MYCBP2: variants seen among roughly 807,000 people sequenced by gnomAD.
MYCBP2 encodes the protein E3 ubiquitin-protein ligase MYCBP2.
MYCBP2 carries 120 observed loss-of-function variants against 525.3 expected under a neutral mutation model. The observed-to-expected ratio is 0.23, with a 90% CI of 0.20 to 0.27. The LOEUF (loss-of-function observed/expected upper bound fraction) is 0.27, where lower values mean the gene tolerates loss of function less well. Ranked by LOEUF, MYCBP2 falls within the 10% of genes least tolerant of loss-of-function variation. The pLI, the probability that MYCBP2 is intolerant of heterozygous loss-of-function variation, is 1.00. For missense variants in MYCBP2, 4,149 were observed against 5,657.1 expected, an observed-to-expected ratio of 0.73 and a Z score of 8.55; for synonymous variants, 1,894 against 1,955.8, an observed-to-expected ratio of 0.97 and a Z score of 0.83.
chr13:77,204,933 G>A (rs1216892327), intron 26 of MYCBP2, among the ~76,000 whole-genome samples: 2 of 149,256 alleles, frequency 1.3e-5, no homozygotes, highest in African/African-American at 4.9e-5. Flanking sequence ...AGCATTGGGA[G>A]ATATACCTAA....
intron 18 of MYCBP2, among the ~76,000 whole-genome samples, chr13:77,227,353 A>C (rs2066419260): frequency 6.6e-6 from 1 of 151,734 alleles, no homozygotes; most frequent in Non-Finnish European, 1.5e-5. Flanking sequence ...TAAAAAAAAA[A>C]AAAAAAAACC....
rs370474590 is a variant in MYCBP2, at chr13:77,093,206, T to C, written c.10326A>G (p.Val3442=). ...TCATATTGCTCTCTGGCTCTTCAAA[T>C]ACATTAGGACTTGCATCAGGAGTTA... ...ISVTPDASPN[V]FEEPESNMKS... The change falls in exon 59 of 83, where the codon GTA becomes GTG. Residue 3442 remains valine (V), a synonymous_variant. Coordinates refer to ENST00000544440, the MANE Select transcript of MYCBP2 (RefSeq NM_015057.5). The C allele has an allele frequency of 2.2e-5, 35 of 1,612,740 alleles. No homozygotes were observed. Among genetic ancestry groups the C allele is most frequent in the Non-Finnish European group, 2.8e-5 (33 of 1,179,352 alleles).
chr13:77,267,461 C>T (rs779096592), intron 8 of MYCBP2, among the ~76,000 whole-genome samples: 1 of 150,252 alleles, frequency 6.7e-6, no homozygotes, highest in Non-Finnish European at 1.5e-5. Context: ...GGAGGAAAAC[C>T]CAACTGCACT....
intron 14 of MYCBP2, among the ~76,000 whole-genome samples, chr13:77,256,286 C>A (rs555999021): frequency 4.6e-5 from 7 of 151,900 alleles, no homozygotes; most frequent in African/African-American, 1.7e-4. Context: ...TAAAACATGT[C>A]GTGTAACAGC....
In MYCBP2 at chr13:77,144,391, T is replaced by A; in HGVS notation, c.7303+54A>T. The A allele has an allele frequency of 2.4e-6, 3 of 1,252,144 alleles. No homozygotes were observed. The South Asian group carries it at 3.7e-5, about 15-fold the overall frequency. 77.6% of individuals were successfully genotyped at this position (1,252,144 alleles called of 1,614,324 possible). A position where few individuals can be genotyped will look rare whatever the true frequency, so the allele number is the denominator to read the frequency against. On this transcript the variant is annotated intron_variant, in intron 49 of 82. Coordinates refer to ENST00000544440, the MANE Select transcript of MYCBP2 (RefSeq NM_015057.5). Reference sequence around the variant, plus strand: ...GGGCAAAACTAGAAGATAAAAATAATTTTGACTCTAGTTATTTGAAGTAAG... The same window carrying A: ...GGGCAAAACTAGAAGATAAAAATAAATTTGACTCTAGTTATTTGAAGTAAG...
chr13:77,317,902 A>C (rs1056535537), intron 1 of MYCBP2, among the ~76,000 whole-genome samples: 1 of 152,126 alleles, frequency 6.6e-6, no homozygotes, highest in African/African-American at 2.4e-5. Flanking sequence ...ACGCCATTGC[A>C]CTCCAGCTTG....
In MYCBP2 at chr13:77,241,964, A is replaced by G. The variant is rs190590535; in HGVS notation, c.2629+1095T>C. 3.6e-3 allele frequency among the ~76,000 whole-genome samples: 549 copies of G among 152,280 alleles called. 2 individuals carry two copies. The highest frequency in any genetic ancestry group is 5.3e-3 in the Non-Finnish European group (360 of 68,014). ...ATATCAGTAAACATTTCTAATCAAA[A>G]TTTTGCCTATTGGAGGAATAAAATC... On this transcript the variant is annotated intron_variant, in intron 17 of 82. Coordinates refer to ENST00000544440, the MANE Select transcript of MYCBP2 (RefSeq NM_015057.5).
intron 3 of MYCBP2, among the ~76,000 whole-genome samples, chr13:77,287,431 C>T (rs1445629460): frequency 6.6e-6 from 1 of 152,084 alleles, no homozygotes; most frequent in Non-Finnish European, 1.5e-5. Context: ...GTGATCCACC[C>T]GCCTTGGCCT....
At chr13:77,074,011 C>CT (rs2041867527) in intron 68 of MYCBP2, among the ~76,000 whole-genome samples, 1 of 138,148 alleles carries the variant, frequency 7.2e-6, no homozygotes, top group Non-Finnish European at 1.6e-5. Flanking sequence ...CGCCCCCCCC[C>CT]CTTTTTTTTT....
chr13:77,257,840 G>C lies in MYCBP2; in HGVS notation c.2018-11C>G, dbSNP rs1367825604. The C allele has an allele frequency of 6.3e-7, 1 of 1,593,010 alleles. No individual in the cohort carries two copies. Among genetic ancestry groups the C allele is most frequent in the African/African-American group, 1.4e-5 (1 of 73,352 alleles). ...AATCAGTTACCAAACCTATAGGAAA[G>C]AAACAAATTTAGTAAAAACAACAAA... On this transcript the variant is annotated splice_polypyrimidine_tract_variant and intron_variant, in intron 13 of 82. Transcript: ENST00000544440.
At chr13:77,245,581 G>T (rs1256078407) in intron 15 of MYCBP2, among the ~76,000 whole-genome samples, 2 of 137,032 alleles carry the variant, frequency 1.5e-5, no homozygotes, top group Non-Finnish European at 3.1e-5. Flanking sequence ...ACAGGAAAGG[G>T]AACATCACAT....
At position 77,168,738 on chromosome 13, in the gene MYCBP2, C is replaced by T. The variant is rs534822471; in HGVS notation, c.5896-92G>A. ...CAATAATTGTTGGTTACTCTAATAA[C>T]AATTTCCATCTAAATTTTCCACTAG... On this transcript the variant is annotated intron_variant, in intron 39 of 82. Transcript: ENST00000544440. 1.9e-5 allele frequency: 22 copies of T among 1,129,548 alleles called. No homozygotes were observed. In the African/African-American group the frequency reaches 3.1e-4, roughly 16 times the overall value. 70.0% of individuals were successfully genotyped at this position (1,129,548 alleles called of 1,614,324 possible).
chr13:77,257,750 A>G lies in MYCBP2; in HGVS notation c.2097T>C (p.Asn699=). 1 of 1,613,552 alleles carries G rather than the reference A, an allele frequency of 6.2e-7. No homozygotes were observed. The highest frequency in any genetic ancestry group is 1.1e-5 in the South Asian group (1 of 90,992). Residue 699 remains asparagine (N), a synonymous_variant, in exon 14 of 83, where the codon AAT becomes AAC. Transcript: ENST00000544440. The part of the protein sequence containing the change: ...GKAHTCVLMK[N]GEVWTFGVNN... ...TTACACCAAATGTCCACACCTCTCC[A>G]TTCTTCATTAAAACACAAGTGTGAG...
chr13:77,069,483 T>C (rs1363149261), intron 69 of MYCBP2, among the ~76,000 whole-genome samples: 1 of 150,940 alleles, frequency 6.6e-6, no homozygotes, highest in Non-Finnish European at 1.5e-5. Context: ...ATTACACCTG[T>C]AATCCCAGCA....
At chr13:77,137,480 T>TG (rs1396086676) in intron 52 of MYCBP2, among the ~76,000 whole-genome samples, 1 of 152,152 alleles carries the variant, frequency 6.6e-6, no homozygotes, top group Non-Finnish European at 1.5e-5. Context: ...TGGCCAGGTG[T>TG]GGTAGCTCAT....
intron 17 of MYCBP2, among the ~76,000 whole-genome samples, chr13:77,235,677 ATC>A (rs1363056913): frequency 6.6e-6 from 1 of 152,124 alleles, no homozygotes; most frequent in Non-Finnish European, 1.5e-5. Context: ...ACAAGATACA[ATC>A]TCTGCTTCAA....
intron 51 of MYCBP2, 106 bp from the exon 52 acceptor site, chr13:77,139,442 T>A: frequency 2.4e-6 from 3 of 1,249,482 alleles, no homozygotes; most frequent in Non-Finnish European, 3.3e-6. Context: ...CATGTGCAGA[T>A]TAAGCATCTA....
chr13:77,174,231 G>T, intron 37 of MYCBP2, 80 bp downstream of exon 37: 1 of 1,322,572 alleles, frequency 7.6e-7, no homozygotes, highest in Non-Finnish European at 1.1e-6. Flanking sequence ...TAAGTATCCA[G>T]TTAGCAATTT....
rs563037257 is a variant in MYCBP2, at chr13:77,090,278, A to T, written c.10368-15T>A. 5 of 1,590,028 alleles carry T rather than the reference A, an allele frequency of 3.1e-6. No homozygotes were observed. In the South Asian group the frequency reaches 4.6e-5, roughly 15 times the overall value. On this transcript the variant is annotated splice_polypyrimidine_tract_variant and intron_variant, in intron 59 of 82. Transcript: ENST00000544440. ...TGGTTTCTAAACTGTACATGGAACA[A>T]TGCAACAGATACAAACTCAGAAGAG...
Sources: allele counts gnomAD v4.1 joint callset (sites outside exome capture counted in the v4.1 genomes callset), GRCh38; gene constraint gnomAD v4.1.1; transcripts MANE v1.5; gene names NCBI Gene and HGNC (gene_info 2026-07-23, HGNC 2026-07-21).